Variants in L3MBTL3 observed in about 807,000 individuals in gnomAD.
L3MBTL3 encodes the protein L3MBTL histone methyl-lysine binding protein 3.
In L3MBTL3, 27 loss-of-function variants were observed where a neutral mutation model predicts 102.3. The ratio of observed to expected loss-of-function variants is 0.26; its 90% confidence interval spans 0.19 to 0.36. The LOEUF (loss-of-function observed/expected upper bound fraction) is 0.36, where lower values mean the gene tolerates loss of function less well. Ranked by LOEUF, L3MBTL3 falls within the 10% of genes least tolerant of loss-of-function variation. L3MBTL3 has a pLI of 1.00. For synonymous variants in L3MBTL3, 340 were observed against 320.9 expected, an observed-to-expected ratio of 1.06 and a Z score of -0.64; for missense variants, 798 against 955.3, an observed-to-expected ratio of 0.84 and a Z score of 2.17.
intron 3 of L3MBTL3, among the ~76,000 whole-genome samples, chr6:130,046,335 A>G (rs1780723514): frequency 6.6e-6 from 1 of 152,202 alleles, no homozygotes; most frequent in Admixed American, 6.5e-5. Context: ...GTTGAAAACA[A>G]TTTAGTTATC....
At chr6:130,038,934 C>A (rs1780234312) in intron 2 of L3MBTL3, among the ~76,000 whole-genome samples, 1 of 151,656 alleles carries the variant, frequency 6.6e-6, no homozygotes, top group Admixed American at 6.6e-5. Context: ...AGGGGGAAAA[C>A]AGAAGAAAAA....
intron 2 of L3MBTL3, among the ~76,000 whole-genome samples, chr6:130,031,443 C>G (rs1487375716): frequency 1.3e-5 from 2 of 152,222 alleles, no homozygotes; most frequent in African/African-American, 4.8e-5. Context: ...CTCTGGGAAA[C>G]TTTGGCTGGG....
rs577154318 is a variant in L3MBTL3 at position 130,028,647 on chromosome 6, A to G, written c.-16+6342A>G. ...TGATTCAGAGTACTTATCAGGCAGGATGAGTAGCATATCAAAGGTGGTCTC... is the reference window on the plus strand; with the variant it reads ...TGATTCAGAGTACTTATCAGGCAGGGTGAGTAGCATATCAAAGGTGGTCTC... On this transcript the variant is annotated intron_variant, in intron 2 of 22. Transcript: ENST00000361794. Among the ~76,000 whole-genome samples, 7 of 152,348 alleles carry G rather than the reference A, an allele frequency of 4.6e-5. No homozygotes were observed. The South Asian group carries it at 1.4e-3, about 32-fold the overall frequency.
At chr6:130,035,842 G>A (rs1243892660) in intron 2 of L3MBTL3, among the ~76,000 whole-genome samples, 1 of 152,176 alleles carries the variant, frequency 6.6e-6, no homozygotes, top group Non-Finnish European at 1.5e-5. Context: ...TAGCACAGAG[G>A]ACCCACCAGG....
intron 6 of L3MBTL3, 52 bp from the exon 7 acceptor site, chr6:130,052,807 T>C (rs1781187916): frequency 6.5e-7 from 1 of 1,548,688 alleles, no homozygotes; most frequent in East Asian, 2.3e-5. Flanking sequence ...AACAAGTAGA[T>C]GTTTGATAGG....
In L3MBTL3 at chr6:130,070,980, T is replaced by C. The variant is rs891837019; in HGVS notation, c.1097T>C (p.Val366Ala). The C allele has an allele frequency of 6.2e-7, 1 of 1,612,922 alleles. No individual in the cohort carries two copies. Among genetic ancestry groups the C allele is most frequent in the Non-Finnish European group, 8.5e-7 (1 of 1,179,324 alleles). The change falls in exon 13 of 23, where the codon GTG becomes GCG. Residue 366 changes from valine (V) to alanine (A), a missense_variant. Val to Ala is a moderately conservative substitution (Grantham distance 64, BLOSUM62 0). Transcript: ENST00000361794. ...KSLFENQNIT[V>A]IPSGFRVGMK... ...TAAATCTGTGTGTTTCCATAGACAG[T>C]GATCCCATCGGGCTTTCGAGTTGGT...
At chr6:130,058,510 G>A (rs1002757969) in intron 9 of L3MBTL3, among the ~76,000 whole-genome samples, 2 of 152,098 alleles carry the variant, frequency 1.3e-5, no homozygotes, top group African/African-American at 4.8e-5. Flanking sequence ...GCGGAGTGTG[G>A]TGTTCAAAGT....
intron 20 of L3MBTL3, among the ~76,000 whole-genome samples, chr6:130,131,012 C>G (rs554996786): frequency 6.6e-5 from 10 of 152,146 alleles, no homozygotes; most frequent in South Asian, 6.2e-4. Flanking sequence ...ACATCTGATA[C>G]ATAGGAATAA....
chr6:130,089,539 G>A (rs1011725022), intron 16 of L3MBTL3, among the ~76,000 whole-genome samples: 10 of 152,126 alleles, frequency 6.6e-5, no homozygotes, highest in African/African-American at 2.4e-4. Flanking sequence ...ATGTGCATGT[G>A]TCTTTATAGT....
chr6:130,040,162 A>T (rs1426108099), intron 2 of L3MBTL3, among the ~76,000 whole-genome samples: 1 of 152,020 alleles, frequency 6.6e-6, no homozygotes, highest in African/African-American at 2.4e-5. Context: ...CCCTGTCTCT[A>T]CTAAAAATGC....
In L3MBTL3 at chr6:130,120,934, A is replaced by C. The variant is rs146332514; in HGVS notation, c.1942A>C (p.Met648Leu). The C allele has an allele frequency of 5.0e-6, 8 of 1,612,350 alleles. No homozygotes were observed. Among genetic ancestry groups the C allele is most frequent in the African/African-American group, 1.3e-5 (1 of 74,884 alleles). ...EDFEERTESEMRTSHEARGAR... is the reference protein window; with the variant it reads ...EDFEERTESELRTSHEARGAR... ...CTTTGAAGAGAGAACAGAAAGTGAA[A>C]TGAGAACATCACATGAAGCCAGAGG... The change falls in exon 20 of 23, where the codon ATG becomes CTG. Residue 648 changes from methionine to leucine, a missense_variant. Transcript: ENST00000361794.
intron 18 of L3MBTL3, among the ~76,000 whole-genome samples, chr6:130,097,940 G>T (rs1468500880): frequency 6.6e-6 from 1 of 152,100 alleles, no homozygotes; most frequent in African/African-American, 2.4e-5. Flanking sequence ...GGTGGTGCAT[G>T]CCTGCAATCC....
chr6:130,112,233 G>A (rs1464253184), intron 19 of L3MBTL3, among the ~76,000 whole-genome samples: 3 of 152,132 alleles, frequency 2.0e-5, no homozygotes, highest in Non-Finnish European at 4.4e-5. Flanking sequence ...ATAAAGGCAG[G>A]GGCCATGTCT....
At chr6:130,040,910 ATTTATT>A (rs1293490120) in intron 2 of L3MBTL3, among the ~76,000 whole-genome samples, 1 of 152,172 alleles carries the variant, frequency 6.6e-6, no homozygotes, top group Admixed American at 6.5e-5. Flanking sequence ...TGAAATTGAC[ATTTATT>A]TACTGTGCAT....
intron 13 of L3MBTL3, among the ~76,000 whole-genome samples, chr6:130,071,764 G>A (rs796419475): frequency 3.9e-5 from 6 of 152,122 alleles, no homozygotes; most frequent in African/African-American, 1.4e-4. Flanking sequence ...TTGTGTTATA[G>A]GATAAGTGAA....
intron 20 of L3MBTL3, among the ~76,000 whole-genome samples, chr6:130,132,608 G>T (rs766141622): frequency 1.7e-4 from 26 of 152,278 alleles, no homozygotes; most frequent in Non-Finnish European, 3.1e-4. Flanking sequence ...TTCAGAAAAG[G>T]TTTCTGTTCT....
chr6:130,080,070 C>T (rs909253703), intron 14 of L3MBTL3, among the ~76,000 whole-genome samples: 1 of 151,594 alleles, frequency 6.6e-6, no homozygotes, highest in African/African-American at 2.4e-5. Context: ...GCCTGGGTAA[C>T]ATAGTGAGAC....
intron 6 of L3MBTL3, among the ~76,000 whole-genome samples, chr6:130,052,471 G>T (rs1781168670): frequency 6.6e-6 from 1 of 152,046 alleles, no homozygotes; most frequent in South Asian, 2.1e-4. Context: ...TTTTCAATTG[G>T]ATTTGTCATT....
intron 2 of L3MBTL3, among the ~76,000 whole-genome samples, chr6:130,036,833 C>T (rs1000905100): frequency 2.0e-5 from 3 of 152,028 alleles, no homozygotes; most frequent in Non-Finnish European, 4.4e-5. Flanking sequence ...TGAGGTGTAC[C>T]ATATTCTGGT....
Sources: allele counts gnomAD v4.1 joint callset (sites outside exome capture counted in the v4.1 genomes callset), GRCh38; gene constraint gnomAD v4.1.1; transcripts MANE v1.5; gene names NCBI Gene and HGNC (gene_info 2026-07-23, HGNC 2026-07-21).